CDC14A: variants seen among roughly 807,000 people sequenced by gnomAD.
CDC14A encodes the protein cell division cycle 14A, also known as dual specificity protein phosphatase CDC14A.
CDC14A carries 53 observed loss-of-function variants against 74.4 expected under a neutral mutation model. That is an observed-to-expected ratio of 0.71 (90% CI 0.57 to 0.89). CDC14A has a LOEUF of 0.89. CDC14A is among the 40% of genes least tolerant of loss of function. The pLI, the probability that CDC14A is intolerant of heterozygous loss-of-function variation, is 0.00. For synonymous variants in CDC14A, 247 were observed against 258.4 expected, an observed-to-expected ratio of 0.96 and a Z score of 0.43; for missense variants, 646 against 713.7, an observed-to-expected ratio of 0.91 and a Z score of 1.08.
intron 4 of CDC14A, among the ~76,000 whole-genome samples, chr1:100,417,357 C>G (rs951317874): frequency 2.0e-5 from 3 of 152,144 alleles, no homozygotes; most frequent in Admixed American, 6.5e-5. Flanking sequence ...TATCTCTGTG[C>G]CCTCGTATAT....
intron 2 of CDC14A, among the ~76,000 whole-genome samples, chr1:100,364,849 G>A (rs1163405587): frequency 1.3e-5 from 2 of 152,214 alleles, no homozygotes; most frequent in Non-Finnish European, 2.9e-5. Context: ...TAGAATTACA[G>A]ACCCTGATAC....
At chr1:100,448,851 G>A (rs530754736) in intron 7 of CDC14A, among the ~76,000 whole-genome samples, 1 of 151,986 alleles carries the variant, frequency 6.6e-6, no homozygotes, top group Non-Finnish European at 1.5e-5. Flanking sequence ...TTTTTTAGGA[G>A]GCTACCAGTA....
At chr1:100,432,020 TG>T (rs1034260581) in intron 5 of CDC14A, among the ~76,000 whole-genome samples, 33 of 152,316 alleles carry the variant, frequency 2.2e-4, no homozygotes, top group African/African-American at 6.7e-4. Flanking sequence ...TGAATTTTCA[TG>T]TATCTCTGTT....
At chr1:100,468,877 AT>A (rs754522016) in intron 10 of CDC14A, among the ~76,000 whole-genome samples, 4 of 150,102 alleles carry the variant, frequency 2.7e-5, no homozygotes, top group Non-Finnish European at 3.0e-5. Flanking sequence ...CTGAAATTTC[AT>A]TTTTTTTTCT....
chr1:100,460,927 G>C (rs1203687975), intron 8 of CDC14A, among the ~76,000 whole-genome samples: 2 of 152,204 alleles, frequency 1.3e-5, no homozygotes, highest in Admixed American at 6.5e-5. Context: ...GTAGCTCATA[G>C]ACTTTAAGAA....
chr1:100,505,464 G>A (rs1164518456), intron 15 of CDC14A, among the ~76,000 whole-genome samples: 1 of 152,208 alleles, frequency 6.6e-6, no homozygotes, highest in Non-Finnish European at 1.5e-5. Flanking sequence ...CCTGGAATGA[G>A]ATCAAAATAT....
intron 15 of CDC14A, among the ~76,000 whole-genome samples, chr1:100,511,765 T>C (rs962569685): frequency 5.3e-5 from 8 of 152,218 alleles, no homozygotes; most frequent in African/African-American, 1.9e-4. Context: ...GCTGCCTTAA[T>C]TGGGGTCTTC....
intron 9 of CDC14A, among the ~76,000 whole-genome samples, chr1:100,465,832 G>A (rs1667749317): frequency 6.6e-6 from 1 of 152,136 alleles, no homozygotes; most frequent in African/African-American, 2.4e-5. Flanking sequence ...ATGTTCTATA[G>A]GGCTTTCAGA....
At chr1:100,372,362 C>T (rs904485135) in intron 2 of CDC14A, among the ~76,000 whole-genome samples, 4 of 152,176 alleles carry the variant, frequency 2.6e-5, no homozygotes, top group African/African-American at 9.7e-5. Context: ...GCATGAGATG[C>T]TATTTGATAG....
intron 2 of CDC14A, among the ~76,000 whole-genome samples, chr1:100,372,444 G>A (rs1654611189): frequency 1.3e-5 from 2 of 152,212 alleles, no homozygotes; most frequent in African/African-American, 2.4e-5. Flanking sequence ...AACTAAGTAT[G>A]TGTAACATTC....
rs761854099 is a variant in CDC14A, at chr1:100,471,283, A to C, written c.977+3189A>C. On this transcript the variant is annotated intron_variant, in intron 10 of 15. Transcript: ENST00000336454. ...GTGTGTCAGGGAAAACTGACCCCCC[A>C]AAAAAGCATGACAGAACTTTCTAGA... Among the ~76,000 whole-genome samples, 8 of 152,178 alleles carry C rather than the reference A, an allele frequency of 5.3e-5. No homozygotes were observed. The East Asian group carries it at 5.8e-4, about 11-fold the overall frequency.
At chr1:100,363,918 G>A (rs771603906) in intron 2 of CDC14A, among the ~76,000 whole-genome samples, 1 of 152,102 alleles carries the variant, frequency 6.6e-6, no homozygotes, top group Non-Finnish European at 1.5e-5. Flanking sequence ...GCTTTGGGAG[G>A]CCAAGGTGGG....
At chr1:100,357,652 T>A (rs1473112207) in intron 2 of CDC14A, among the ~76,000 whole-genome samples, 1 of 151,708 alleles carries the variant, frequency 6.6e-6, no homozygotes, top group Non-Finnish European at 1.5e-5. Context: ...TCCCAGCTAC[T>A]CTTGAGGCTG....
At chr1:100,512,819 C>T (rs1430878881) in intron 15 of CDC14A, among the ~76,000 whole-genome samples, 1 of 152,192 alleles carries the variant, frequency 6.6e-6, no homozygotes. Context: ...GATTTTAACA[C>T]AAACCTTCAT....
intron 4 of CDC14A, among the ~76,000 whole-genome samples, chr1:100,412,702 A>T (rs1469018090): frequency 1.0e-5 from 1 of 96,130 alleles, no homozygotes; most frequent in East Asian, 3.2e-4. Flanking sequence ...TGTTTTATAT[A>T]TATATATATA....
At chr1:100,383,893 T>C (rs1656486805) in intron 3 of CDC14A, among the ~76,000 whole-genome samples, 1 of 139,964 alleles carries the variant, frequency 7.1e-6, no homozygotes, top group Non-Finnish European at 1.5e-5. Context: ...GACCTTTAAC[T>C]CTTTTTTTTT....
intron 4 of CDC14A, among the ~76,000 whole-genome samples, chr1:100,395,554 A>G (rs985395059): frequency 6.6e-6 from 1 of 152,228 alleles, no homozygotes; most frequent in African/African-American, 2.4e-5. Flanking sequence ...AGCCCAAGCC[A>G]CTGTCATTGT....
chr1:100,437,689 C>T (rs1477478759), intron 5 of CDC14A, among the ~76,000 whole-genome samples: 1 of 152,106 alleles, frequency 6.6e-6, no homozygotes, highest in East Asian at 1.9e-4. Context: ...TCACTGGTAA[C>T]AATTGTGGCT....
At chr1:100,357,081 G>A (rs1652016197) in intron 2 of CDC14A, among the ~76,000 whole-genome samples, 1 of 151,610 alleles carries the variant, frequency 6.6e-6, no homozygotes, top group African/African-American at 2.4e-5. Context: ...AAGGAAGGAG[G>A]GTGGAATAAT....
Sources: allele counts gnomAD v4.1 joint callset (sites outside exome capture counted in the v4.1 genomes callset), GRCh38; gene constraint gnomAD v4.1.1; transcripts MANE v1.5; gene names NCBI Gene and HGNC (gene_info 2026-07-23, HGNC 2026-07-21).